The following GABRG3 variants were observed in gnomAD, a reference collection of about 807,000 sequenced individuals.
GABRG3 encodes gamma-aminobutyric acid receptor subunit gamma-3.
A neutral mutation model predicts 48.8 loss-of-function variants in GABRG3; 25 were observed. The ratio of observed to expected loss-of-function variants is 0.51; its 90% CI spans 0.37 to 0.72. GABRG3 has a LOEUF of 0.72. Ranked by LOEUF, GABRG3 falls within the 30% of genes least tolerant of loss-of-function variation. GABRG3 has a pLI of 0.00. For synonymous variants in GABRG3, 227 were observed against 217.6 expected (o/e 1.04, Z -0.38); for missense variants, 394 against 577.9 (o/e 0.68, Z 3.26).
At chr15:27,000,925 G>A (rs1165746663) in intron 2 of GABRG3, among the ~76,000 whole-genome samples, 1 of 152,120 alleles carries the variant, frequency 6.6e-6, no homozygotes, top group East Asian at 1.9e-4. Flanking sequence ...TAGCTGTTGG[G>A]AACAGATCCT....
intron 3 of GABRG3, among the ~76,000 whole-genome samples, chr15:27,211,355 C>T (rs928542499): frequency 4.6e-5 from 7 of 152,130 alleles, no homozygotes; most frequent in African/African-American, 1.2e-4. Context: ...GACAACAAGA[C>T]GTTTGATGTA....
At chr15:27,470,310 G>A (rs1251834465) in intron 5 of GABRG3, among the ~76,000 whole-genome samples, 3 of 149,536 alleles carry the variant, frequency 2.0e-5, no homozygotes, top group East Asian at 2.0e-4. Flanking sequence ...TGCAACCTCC[G>A]CCTCCTGGGT....
At chr15:27,238,964 A>G (rs1890056790) in intron 3 of GABRG3, among the ~76,000 whole-genome samples, 1 of 152,224 alleles carries the variant, frequency 6.6e-6, no homozygotes, top group Non-Finnish European at 1.5e-5. Context: ...TGGCATGCGG[A>G]AGTGTCAACC....
chr15:27,240,182 G>A (rs77367418), intron 3 of GABRG3, among the ~76,000 whole-genome samples: 5,036 of 152,274 alleles, frequency 0.033, 214 homozygotes, highest in African/African-American at 0.097. Flanking sequence ...CCCCCTCAAT[G>A]TTGTTAAGAT....
intron 5 of GABRG3, among the ~76,000 whole-genome samples, chr15:27,388,109 A>T (rs1473094215): frequency 2.7e-4 from 8 of 29,576 alleles, no homozygotes; most frequent in South Asian, 1.2e-3. Context: ...GGAGGGAGGG[A>T]AAAGAAGGAA....
chr15:27,002,998 C>T (rs938094555), intron 2 of GABRG3, among the ~76,000 whole-genome samples: 9 of 136,158 alleles, frequency 6.6e-5, no homozygotes, highest in African/African-American at 2.2e-4. Flanking sequence ...AATAAATAAA[C>T]AAAACAAAAC....
chr15:27,424,241 G>T (rs1888220983), intron 5 of GABRG3, among the ~76,000 whole-genome samples: 1 of 152,138 alleles, frequency 6.6e-6, no homozygotes, highest in Non-Finnish European at 1.5e-5. Flanking sequence ...AGTGTGATTT[G>T]TAGCTAGGGC....
intron 5 of GABRG3, among the ~76,000 whole-genome samples, chr15:27,461,145 C>T (rs1035424093): frequency 6.6e-6 from 1 of 152,228 alleles, no homozygotes; most frequent in South Asian, 2.1e-4. Flanking sequence ...GCGGCAGGCG[C>T]CTTTCCCACT....
At chr15:27,422,103 C>T in intron 5 of GABRG3, among the ~76,000 whole-genome samples, 1 of 150,092 alleles carries the variant, frequency 6.7e-6, no homozygotes, top group Non-Finnish European at 1.5e-5. Flanking sequence ...CTAAGATATC[C>T]ATGGGAGTGG....
At chr15:27,196,267 C>G (rs1004851209) in intron 3 of GABRG3, among the ~76,000 whole-genome samples, 1 of 152,224 alleles carries the variant, frequency 6.6e-6, no homozygotes, top group South Asian at 2.1e-4. Context: ...TGTTAGGCAT[C>G]CTTCATGTTT....
chr15:27,019,314 C>G (rs1434471155), intron 2 of GABRG3, among the ~76,000 whole-genome samples: 2 of 151,982 alleles, frequency 1.3e-5, no homozygotes, highest in Admixed American at 6.6e-5. Flanking sequence ...TCGTGATCCC[C>G]CCGCCTTGGC....
At chr15:27,401,309 A>G (rs1339551117) in intron 5 of GABRG3, among the ~76,000 whole-genome samples, 2 of 152,168 alleles carry the variant, frequency 1.3e-5, no homozygotes, top group African/African-American at 2.4e-5. Flanking sequence ...CTTAATTACC[A>G]TATGTATTTT....
Position 27,326,782 on chromosome 15 carries a change from C to T in GABRG3, c.271-27C>T, listed in dbSNP as rs961216987. On this transcript the variant is annotated intron_variant, in intron 3 of 9. Coordinates refer to ENST00000615808, the MANE Select transcript of GABRG3 (RefSeq NM_033223.5). ...ACAGAACATTTATTAATAGAACTGT[C>T]TTGCCTCTCCTTCTGCTCTGTTTCA... 7.8e-6 allele frequency: 12 copies of T among 1,537,488 alleles called. No homozygotes were observed. The African/African-American group carries it at 1.6e-4, about 21-fold the overall frequency.
At chr15:27,067,602 C>T (rs979563657) in intron 3 of GABRG3, among the ~76,000 whole-genome samples, 6 of 152,296 alleles carry the variant, frequency 3.9e-5, no homozygotes, top group Non-Finnish European at 7.3e-5. Context: ...CAGCTGAGAC[C>T]GCATCCTTAG....
intron 5 of GABRG3, among the ~76,000 whole-genome samples, chr15:27,393,134 A>G (rs1887190218): frequency 6.6e-6 from 1 of 152,102 alleles, no homozygotes; most frequent in Non-Finnish European, 1.5e-5. Flanking sequence ...TCACGAGGTC[A>G]GGAGATTGAG....
chr15:27,071,355 C>G (rs779308105), intron 3 of GABRG3, among the ~76,000 whole-genome samples: 4 of 152,164 alleles, frequency 2.6e-5, no homozygotes, highest in Non-Finnish European at 5.9e-5. Context: ...AGCGCTGATT[C>G]GAGGTGAGGC....
intron 3 of GABRG3, among the ~76,000 whole-genome samples, chr15:27,151,078 G>A (rs1898302891): frequency 1.3e-5 from 2 of 152,016 alleles, no homozygotes; most frequent in African/African-American, 4.8e-5. Context: ...AATAATACAG[G>A]GATTCCTCTG....
intron 3 of GABRG3, among the ~76,000 whole-genome samples, chr15:27,162,495 T>A (rs1037602358): frequency 1.3e-5 from 2 of 152,114 alleles, no homozygotes; most frequent in African/African-American, 4.8e-5. Context: ...TTGGGCTAGA[T>A]GGAATGGTAG....
intron 5 of GABRG3, among the ~76,000 whole-genome samples, chr15:27,424,596 C>T (rs1888233994): frequency 6.6e-6 from 1 of 150,918 alleles, no homozygotes; most frequent in East Asian, 1.9e-4. Flanking sequence ...TCTTGTCACC[C>T]AGGCTGGAGT....
Sources: gnomAD v4.1 joint callset for allele counts (sites outside exome capture counted in the v4.1 genomes callset) on GRCh38, gnomAD v4.1.1 for gene constraint, MANE v1.5 for transcripts, NCBI Gene and HGNC (gene_info 2026-07-23, HGNC 2026-07-21) for gene names.